ARID4A: variants seen among roughly 807,000 people sequenced by gnomAD.
ARID4A encodes AT-rich interactive domain-containing protein 4A.
A neutral mutation model predicts 148.6 loss-of-function variants in ARID4A; 39 were observed. That is an observed-to-expected ratio of 0.26 (90% confidence interval 0.20 to 0.34). The LOEUF (loss-of-function observed/expected upper bound fraction) is 0.34, where lower values mean the gene tolerates loss of function less well. ARID4A is among the 10% of genes least tolerant of loss of function. ARID4A has a pLI of 1.00. For synonymous variants in ARID4A, 475 were observed against 481.2 expected (o/e 0.99, Z 0.17); for missense variants, 1,265 against 1,449.1 (o/e 0.87, Z 2.06).
intron 5 of ARID4A, among the ~76,000 whole-genome samples, chr14:58,306,952 T>A: frequency 6.6e-6 from 1 of 152,222 alleles, no homozygotes; most frequent in East Asian, 1.9e-4. Flanking sequence ...TAACATTCCA[T>A]GCATAAGCTT....
Position 58,330,037 on chromosome 14 carries a change from A to T in ARID4A, c.774A>T (p.Arg258Ser), listed in dbSNP as rs751481176. Residue 258 changes from arginine (R) to serine (S), a missense_variant, in exon 11 of 24, where the codon AGA becomes AGT. Transcript: ENST00000355431. ...LQKASIFLKT[R>S]VVPDNWKMDI... ...AAGCAAGCATCTTCTTAAAAACTAG[A>T]GTTGTTCCTGATAATTGGAAAATGG... The T allele has an allele frequency of 6.2e-7, 1 of 1,611,482 alleles. No individual in the cohort carries two copies. The highest frequency in any genetic ancestry group is 2.2e-5 in the East Asian group (1 of 44,776).
In ARID4A at chr14:58,373,467, CTG is replaced by C. The variant is rs887094564; in HGVS notation, c.*1480_*1481del. ...AGAATAATAACCTAGATGCTCTAGA[CTG>C]TATATCAGGATCTGATTTACAAGAA... On this transcript the variant is annotated 3_prime_UTR_variant, in exon 24 of 24. Coordinates refer to ENST00000355431, the MANE Select transcript of ARID4A (RefSeq NM_002892.4). The C allele has an allele frequency of 2.8e-5, 5 of 179,740 alleles. No individual in the cohort carries two copies. Among genetic ancestry groups the C allele is most frequent in the African/African-American group, 7.1e-5 (3 of 42,282 alleles). The allele number at this position is 179,740 out of a possible 1,614,324, so 11.1% of individuals were successfully genotyped here.
chr14:58,357,614 G>T (rs1453216938), intron 17 of ARID4A, among the ~76,000 whole-genome samples: 112 of 134,174 alleles, frequency 8.3e-4, no homozygotes, highest in Admixed American at 3.5e-3. Context: ...TTTTTGCATG[G>T]TTTTTTTTTT....
chr14:58,326,205 A>C (rs1204711618), intron 8 of ARID4A, among the ~76,000 whole-genome samples: 2 of 152,206 alleles, frequency 1.3e-5, no homozygotes, highest in East Asian at 3.8e-4. Flanking sequence ...TGGGAGGCTG[A>C]GGTGGGCAGA....
chr14:58,348,194 C>G (rs1438616318), intron 15 of ARID4A, among the ~76,000 whole-genome samples: 2 of 152,120 alleles, frequency 1.3e-5, no homozygotes, highest in African/African-American at 4.8e-5. Flanking sequence ...AAATTGTAAC[C>G]TGCCTCCTCT....
intron 1 of ARID4A, 109 bp from the exon 2 acceptor site, chr14:58,299,689 C>A: frequency 1.1e-6 from 1 of 902,062 alleles, no homozygotes; most frequent in Non-Finnish European, 1.8e-6. Context: ...TGTCCCTTGG[C>A]TGGTGAGGAT....
intron 19 of ARID4A, among the ~76,000 whole-genome samples, chr14:58,361,822 T>G (rs2035145542): frequency 6.6e-6 from 1 of 152,228 alleles, no homozygotes; most frequent in Non-Finnish European, 1.5e-5. Context: ...GGTGTCATGT[T>G]GGTGCCCAAA....
intron 11 of ARID4A, chr14:58,331,423 A>G (rs982196789): frequency 6.6e-6 from 1 of 152,214 alleles, no homozygotes; most frequent in Non-Finnish European, 1.5e-5. Flanking sequence ...GAAAGCAAAT[A>G]TTTGCAAGTC....
chr14:58,321,199 T>C (rs1325724965), intron 7 of ARID4A, among the ~76,000 whole-genome samples: 3 of 152,232 alleles, frequency 2.0e-5, no homozygotes, highest in African/African-American at 4.8e-5. Flanking sequence ...TTAAATATTC[T>C]AGTCTCTGTC....
intron 12 of ARID4A, among the ~76,000 whole-genome samples, chr14:58,345,181 T>G (rs1487919280): frequency 6.6e-6 from 1 of 152,136 alleles, no homozygotes; most frequent in Non-Finnish European, 1.5e-5. Context: ...GACTGTCTAG[T>G]TTTGGATTTT....
intron 5 of ARID4A, among the ~76,000 whole-genome samples, chr14:58,317,409 C>G (rs186199124): frequency 1.3e-5 from 2 of 148,572 alleles, no homozygotes; most frequent in Non-Finnish European, 1.5e-5. Flanking sequence ...CTCAGCCTCC[C>G]GAGTAGCTGG....
chr14:58,326,624 A>G (rs934513387), intron 8 of ARID4A, among the ~76,000 whole-genome samples: 1 of 152,202 alleles, frequency 6.6e-6, no homozygotes, highest in African/African-American at 2.4e-5. Context: ...GAATTTTCCA[A>G]AAGAGTGTTG....
intron 20 of ARID4A, 53 bp from the exon 21 acceptor site, chr14:58,365,465 C>CTAT: frequency 1.2e-6 from 1 of 853,856 alleles, no homozygotes; most frequent in Non-Finnish European, 1.6e-6. Context: ...AATATACTTG[C>CTAT]TCTTTTTTTT....
At position 58,328,262 on chromosome 14, in the gene ARID4A, A is replaced by G; in HGVS notation, c.608A>G (p.Asp203Gly). The part of the protein sequence containing the change: ...ALVISPSCND[D>G]ITVKKDQCLV... ...GTAATATCTCCCAGCTGTAATGATG[A>G]CATCACAGTGAAAAAGGATCAGTGT... Residue 203 changes from aspartate to glycine, a missense_variant, in exon 9 of 24, where the codon GAC (aspartate) becomes GGC (glycine). Around this residue, in one of 9 missense-constraint regions of ARID4A, gnomAD observed 249 missense variants for 277.2 expected, o/e 0.90. Transcript: ENST00000355431. 1 of 1,602,166 alleles carries G rather than the reference A, an allele frequency of 6.2e-7. No individual in the cohort carries two copies. Among genetic ancestry groups the G allele is most frequent in the Non-Finnish European group, 8.5e-7 (1 of 1,169,664 alleles).
intron 11 of ARID4A, among the ~76,000 whole-genome samples, chr14:58,337,246 T>TTATATATATATATATATATATGTATA (rs2033871876): frequency 2.4e-5 from 2 of 83,818 alleles, no homozygotes; most frequent in Non-Finnish European, 5.1e-5. Flanking sequence ...TTCTCTTTAT[T>TTATATATATATATATATATATGTATA]TATATATATA....
At chr14:58,337,112 G>A (rs1046508722) in intron 11 of ARID4A, among the ~76,000 whole-genome samples, 3 of 150,258 alleles carry the variant, frequency 2.0e-5, no homozygotes, top group Admixed American at 6.6e-5. Flanking sequence ...GGCTGGTCTC[G>A]AACTCCTGGC....
Position 58,299,794 on chromosome 14 carries a change from A to T in ARID4A, c.-57-4A>T. The T allele has an allele frequency of 2.5e-6, 4 of 1,612,454 alleles. No homozygotes were observed. The highest frequency in any genetic ancestry group is 3.4e-6 in the Non-Finnish European group (4 of 1,178,924). ...TCTGTGCCTGTCTTTCCCCCTCCCCATAGTTCTAGCGACTGCGAAGATAGC... is the reference window on the plus strand; with the variant it reads ...TCTGTGCCTGTCTTTCCCCCTCCCCTTAGTTCTAGCGACTGCGAAGATAGC... On this transcript the variant is annotated splice_region_variant and splice_polypyrimidine_tract_variant and intron_variant, in intron 1 of 23. Transcript: ENST00000355431.
chr14:58,338,344 A>G (rs1485300329), intron 11 of ARID4A, among the ~76,000 whole-genome samples: 1 of 152,214 alleles, frequency 6.6e-6, no homozygotes, highest in Non-Finnish European at 1.5e-5. Context: ...TTATACAAAA[A>G]ATGTAAGCAG....
rs1185640423 is a variant in ARID4A at position 58,328,430 on chromosome 14, C to T, written c.662+114C>T. ...TTTTAAAAGTCTAATCATTCATGAA[C>T]TGAGAAGTTGTTACCTAATAGGTTT... On this transcript the variant is annotated intron_variant, in intron 9 of 23. Coordinates refer to ENST00000355431, the MANE Select transcript of ARID4A (RefSeq NM_002892.4). 7.5e-6 allele frequency: 5 copies of T among 664,074 alleles called. No individual in the cohort carries two copies. The African/African-American group carries it at 9.3e-5, about 12-fold the overall frequency. 41.1% of individuals were successfully genotyped at this position (664,074 alleles called of 1,614,324 possible).
Sources: allele counts gnomAD v4.1 joint callset (sites outside exome capture counted in the v4.1 genomes callset), GRCh38; gene constraint gnomAD v4.1.1; regional missense constraint gnomAD v4.1.1; transcripts MANE v1.5; gene names NCBI Gene and HGNC (gene_info 2026-07-23, HGNC 2026-07-21).